The following HMCN1 variants were observed in gnomAD, a reference collection of about 807,000 sequenced individuals.
HMCN1 encodes hemicentin-1.
HMCN1 carries 321 observed loss-of-function variants against 625.9 expected under a neutral mutation model. The observed-to-expected ratio is 0.51, with a 90% CI of 0.47 to 0.56. The LOEUF (loss-of-function observed/expected upper bound fraction) is 0.56. HMCN1 is among the 20% of genes least tolerant of loss of function. The pLI is 0.00. For missense variants in HMCN1, 6,588 were observed against 6,887.3 expected (o/e 0.96, Z 1.54); for synonymous variants, 2,425 against 2,417.6 (o/e 1.00, Z -0.09).
intron 57 of HMCN1, 58 bp downstream of exon 57, chr1:186,083,019 C>G (rs1659263437): frequency 9.6e-7 from 1 of 1,036,512 alleles, no homozygotes; most frequent in South Asian, 1.5e-5. Context: ...CAGAAAATTT[C>G]TGTTTTAGAT....
chr1:185,982,854 T>C (rs1651746688), intron 18 of HMCN1, among the ~76,000 whole-genome samples: 1 of 152,194 alleles, frequency 6.6e-6, no homozygotes, highest in Admixed American at 6.5e-5. Flanking sequence ...TTCTTTATTA[T>C]TGACATATTT....
intron 89 of HMCN1, among the ~76,000 whole-genome samples, chr1:186,140,498 T>TA (rs1649887781): frequency 6.6e-6 from 1 of 152,220 alleles, no homozygotes; most frequent in African/African-American, 2.4e-5. Context: ...AAAAGGCACA[T>TA]AATGTCAGTT....
chr1:185,980,892 C>T (rs1279397659), intron 16 of HMCN1, 86 bp from the exon 17 acceptor site: 1 of 855,624 alleles, frequency 1.2e-6, no homozygotes, highest in East Asian at 2.4e-5. Flanking sequence ...TGCACACTTT[C>T]CATGCACAGA....
At chr1:186,162,826 G>T (rs1177160091) in intron 97 of HMCN1, among the ~76,000 whole-genome samples, 3 of 152,186 alleles carry the variant, frequency 2.0e-5, no homozygotes, top group South Asian at 2.1e-4. Context: ...TGCCCCTACT[G>T]GGGGGTGCCT....
intron 4 of HMCN1, among the ~76,000 whole-genome samples, chr1:185,891,484 G>A (rs1243965977): frequency 6.8e-6 from 1 of 147,968 alleles, no homozygotes; most frequent in East Asian, 1.9e-4. Flanking sequence ...CTTCCTTCAG[G>A]AGCTCTTTTA....
intron 36 of HMCN1, among the ~76,000 whole-genome samples, chr1:186,036,532 C>A (rs1327293553): frequency 6.6e-6 from 1 of 152,036 alleles, no homozygotes; most frequent in African/African-American, 2.4e-5. Context: ...CTCCCAGCTA[C>A]AATTCAAGAT....
chr1:186,128,437 T>C lies in HMCN1; in HGVS notation c.12904+146T>C, dbSNP rs1011113169. ...AAAATGTGTGCCTCTGCTTGGATTTTACCCTCTACCCAATATATATGTTTT... is the reference window on the plus strand; with the variant it reads ...AAAATGTGTGCCTCTGCTTGGATTTCACCCTCTACCCAATATATATGTTTT... On this transcript the variant is annotated intron_variant, in intron 83 of 106. Coordinates refer to ENST00000271588, the MANE Select transcript of HMCN1 (RefSeq NM_031935.3). 1.2e-5 allele frequency: 8 copies of C among 695,516 alleles called. No homozygotes were observed. The Admixed American group carries it at 1.3e-4, about 12-fold the overall frequency. 43.1% of individuals were successfully genotyped at this position (695,516 alleles called of 1,614,324 possible).
Position 185,911,654 on chromosome 1 carries a change from C to A in HMCN1, c.794-20C>A. On this transcript the variant is annotated intron_variant, in intron 5 of 106. Transcript: ENST00000271588. ...CTGAGAGAAGGATTGTGCTTGTTACCTTTATGTTCTGTCTTTCAGGGAAGC... is the reference window on the plus strand; with the variant it reads ...CTGAGAGAAGGATTGTGCTTGTTACATTTATGTTCTGTCTTTCAGGGAAGC... 1 of 1,526,514 alleles carries A rather than the reference C, an allele frequency of 6.6e-7. No homozygotes were observed. Among genetic ancestry groups the A allele is most frequent in the South Asian group, 1.1e-5 (1 of 89,302 alleles). The allele number at this position is 1,526,514 out of a possible 1,614,324, so 94.6% of individuals were successfully genotyped here.
At chr1:186,172,169 G>A (rs4651302) in intron 102 of HMCN1, 38 bp downstream of exon 102, 778,561 of 1,609,266 alleles carry the variant, frequency 0.48, 198,727 homozygotes, top group African/African-American at 0.89. Context: ...AGATCAGTTT[G>A]CCGTCAACAA....
At chr1:185,901,022 C>T (rs914656383) in intron 4 of HMCN1, among the ~76,000 whole-genome samples, 2 of 151,854 alleles carry the variant, frequency 1.3e-5, no homozygotes, top group African/African-American at 2.4e-5. Flanking sequence ...GAGCCTCAAC[C>T]AGCACTTCTA....
Position 186,153,857 on chromosome 1 carries a change from C to T in HMCN1, c.15126C>T (p.Thr5042=), listed in dbSNP as rs148569971. ...GISIPYTWNH[T]VFYDQAQGRM... is the part of the protein sequence containing the mutation. ...GCATCCCATACACATGGAACCACACCGTTTTCTATGATCAGGCACAGGGAA... is the reference window on the plus strand; with the variant it reads ...GCATCCCATACACATGGAACCACACTGTTTTCTATGATCAGGCACAGGGAA... The change falls in exon 97 of 107, where the codon ACC becomes ACT. Residue 5042 remains threonine, a synonymous_variant. Coordinates refer to ENST00000271588, the MANE Select transcript of HMCN1 (RefSeq NM_031935.3). 2.7e-5 allele frequency: 44 copies of T among 1,614,016 alleles called. 1 individual carries two copies. The highest frequency in any genetic ancestry group is 2.0e-4 in the African/African-American group (15 of 74,906).
At chr1:185,794,685 T>C (rs1210022672) in intron 1 of HMCN1, among the ~76,000 whole-genome samples, 2 of 149,834 alleles carry the variant, frequency 1.3e-5, no homozygotes, top group African/African-American at 4.9e-5. Context: ...AGATTAAGTA[T>C]GGGTCTGCCT....
chr1:185,980,640 G>A (rs1651561133), intron 16 of HMCN1, among the ~76,000 whole-genome samples: 1 of 152,090 alleles, frequency 6.6e-6, no homozygotes, highest in South Asian at 2.1e-4. Context: ...TCCATTCTTT[G>A]TACAGGCCAT....
intron 54 of HMCN1, 134 bp from the exon 55 acceptor site, chr1:186,077,973 A>T: frequency 1.5e-6 from 1 of 684,280 alleles, no homozygotes; most frequent in Non-Finnish European, 2.7e-6. Context: ...TGAGATTAAA[A>T]CTGAACCATT....
chr1:186,182,326 C>T, intron 105 of HMCN1, 39 bp downstream of exon 105: 1 of 1,611,640 alleles, frequency 6.2e-7, no homozygotes, highest in Non-Finnish European at 8.5e-7. Flanking sequence ...GCAAACTTGA[C>T]TAAAAACCAA....
chr1:186,128,419 G>A (rs1037803640), intron 83 of HMCN1, 128 bp downstream of exon 83: 2 of 770,962 alleles, frequency 2.6e-6, no homozygotes, highest in African/African-American at 1.7e-5. Flanking sequence ...TGTAAAATGT[G>A]TGCCTCTGCT....
intron 4 of HMCN1, among the ~76,000 whole-genome samples, chr1:185,908,343 A>G (rs1427876390): frequency 6.6e-6 from 1 of 151,980 alleles, no homozygotes; most frequent in Non-Finnish European, 1.5e-5. Context: ...GTTTTTGTTT[A>G]TCATTAATAG....
At chr1:185,744,771 A>C (rs1654269564) in intron 1 of HMCN1, among the ~76,000 whole-genome samples, 1 of 152,238 alleles carries the variant, frequency 6.6e-6, no homozygotes, top group South Asian at 2.1e-4. Context: ...CATGAATAAA[A>C]GCAGTTTAAT....
chr1:186,019,513 A>G, intron 34 of HMCN1, 28 bp from the exon 35 acceptor site: 1 of 1,567,208 alleles, frequency 6.4e-7, no homozygotes, highest in Non-Finnish European at 8.8e-7. Context: ...TTATGGTTTC[A>G]TTCCCTCTCC....
Sources: gnomAD v4.1 joint callset for allele counts (sites outside exome capture counted in the v4.1 genomes callset) on GRCh38, gnomAD v4.1.1 for gene constraint, MANE v1.5 for transcripts, NCBI Gene and HGNC (gene_info 2026-07-23, HGNC 2026-07-21) for gene names.